PRORP: variants seen among roughly 807,000 people sequenced by gnomAD.
The protein encoded by PRORP is protein only RNase P catalytic subunit.
Under a neutral mutation model 59.4 loss-of-function variants are expected in PRORP, and 51 were observed. The observed-to-expected ratio is 0.86, with a 90% confidence interval of 0.69 to 1.08. PRORP has a LOEUF of 1.08. Among genes scored for constraint, PRORP ranks in the 50% least tolerant of loss-of-function variants. The pLI is 0.00. For missense variants in PRORP, 646 were observed against 690.3 expected, an observed-to-expected ratio of 0.94 and a Z score of 0.72; for synonymous variants, 231 against 245.6, an observed-to-expected ratio of 0.94 and a Z score of 0.55.
At chr14:35,176,774 C>G (rs1223375300) in intron 4 of PRORP, among the ~76,000 whole-genome samples, 1 of 152,164 alleles carries the variant, frequency 6.6e-6, no homozygotes, top group Non-Finnish European at 1.5e-5. Context: ...ACTTCCAACA[C>G]TATGTTGAAT....
At chr14:35,231,357 G>A (rs2050076032) in intron 5 of PRORP, among the ~76,000 whole-genome samples, 1 of 152,016 alleles carries the variant, frequency 6.6e-6, no homozygotes, top group East Asian at 1.9e-4. Flanking sequence ...TATTTTTCAC[G>A]CTTCTCAACT....
chr14:35,185,428 A>G (rs1423819277), intron 5 of PRORP, among the ~76,000 whole-genome samples: 1 of 152,146 alleles, frequency 6.6e-6, no homozygotes, highest in South Asian at 2.1e-4. Flanking sequence ...ATATTTGCCA[A>G]AGGTTTCCTG....
chr14:35,234,676 C>CTT (rs398056986), intron 5 of PRORP, among the ~76,000 whole-genome samples: 6,301 of 130,044 alleles, frequency 0.048, 276 homozygotes, highest in Admixed American at 0.13. Flanking sequence ...ACTGTTGTTC[C>CTT]TTTTTTTTTT....
intron 4 of PRORP, among the ~76,000 whole-genome samples, chr14:35,149,044 G>C (rs890593617): frequency 7.1e-6 from 1 of 141,156 alleles, no homozygotes; most frequent in African/African-American, 2.6e-5. Flanking sequence ...TCAGCCTCCC[G>C]AGTAGCTGGG....
intron 5 of PRORP, among the ~76,000 whole-genome samples, chr14:35,251,939 C>T (rs1394784343): frequency 1.3e-5 from 2 of 151,858 alleles, no homozygotes; most frequent in Non-Finnish European, 2.9e-5. Flanking sequence ...CAGGTGCAGG[C>T]GGGAGGGTAC....
rs1192103644 is a variant in PRORP, at chr14:35,123,557, C to T, written c.312C>T (p.Ala104=). ...SQMNSQTEDH[A]LAPVRNTIQL... is the part of the protein sequence containing the mutation. ...TGAATTCTCAAACTGAAGATCATGCCTTGGCACCTGTGAGGAACACTATTC... is the reference window on the plus strand; with the variant it reads ...TGAATTCTCAAACTGAAGATCATGCTTTGGCACCTGTGAGGAACACTATTC... Residue 104 remains alanine (A), a synonymous_variant, in exon 2 of 8, where the codon GCC becomes GCT. Coordinates refer to ENST00000534898, the MANE Select transcript of PRORP (RefSeq NM_014672.4). The T allele has an allele frequency of 6.2e-7, 1 of 1,614,120 alleles. No homozygotes were observed. Among genetic ancestry groups the T allele is most frequent in the South Asian group, 1.1e-5 (1 of 91,084 alleles).
chr14:35,136,906 A>G (rs1288938502), intron 4 of PRORP, among the ~76,000 whole-genome samples: 1 of 145,960 alleles, frequency 6.9e-6, no homozygotes, highest in Non-Finnish European at 1.5e-5. Flanking sequence ...GAAGTTTCAT[A>G]TATTAGATAG....
In PRORP at chr14:35,123,840, GAA is replaced by G; in HGVS notation, c.597_598del (p.Glu199AspfsTer7). 1 of 1,614,042 alleles carries G rather than the reference GAA, an allele frequency of 6.2e-7. No individual in the cohort carries two copies. Among genetic ancestry groups the G allele is most frequent in the Non-Finnish European group, 8.5e-7 (1 of 1,180,000 alleles). The stretch of plus-strand genomic sequence containing the variant: ...GACATCTGAAGTTATTGATGTCTTT[GAA>G]ATTATGAAAGCCAGATATAAGACTT... The part of the protein sequence containing the change: ...MQTSEVIDVF[E>X]IMKARYKTLE... On this transcript the variant is annotated frameshift_variant, in exon 2 of 8. Coordinates refer to ENST00000534898, the MANE Select transcript of PRORP (RefSeq NM_014672.4). LOFTEE classifies it high-confidence loss of function.
At chr14:35,244,707 A>G (rs2050443434) in intron 5 of PRORP, among the ~76,000 whole-genome samples, 1 of 152,130 alleles carries the variant, frequency 6.6e-6, no homozygotes, top group Admixed American at 6.6e-5. Flanking sequence ...GTAATAATAA[A>G]ACTAACACCT....
At chr14:35,219,986 G>C (rs986834880) in intron 5 of PRORP, among the ~76,000 whole-genome samples, 2 of 152,160 alleles carry the variant, frequency 1.3e-5, no homozygotes, top group Non-Finnish European at 2.9e-5. Flanking sequence ...TGCTTTCTCT[G>C]TGTGTTGTCT....
At chr14:35,247,560 T>G (rs2050515328) in intron 5 of PRORP, among the ~76,000 whole-genome samples, 1 of 152,160 alleles carries the variant, frequency 6.6e-6, no homozygotes, top group South Asian at 2.1e-4. Context: ...CTCTTTCTCT[T>G]CTAGTCATGA....
At chr14:35,194,854 T>C (rs2048970658) in intron 5 of PRORP, among the ~76,000 whole-genome samples, 1 of 152,186 alleles carries the variant, frequency 6.6e-6, no homozygotes, top group African/African-American at 2.4e-5. Context: ...GTATATCCTA[T>C]TTCAAAAGAT....
chr14:35,256,466 C>G (rs933483885), intron 5 of PRORP, among the ~76,000 whole-genome samples: 14 of 148,524 alleles, frequency 9.4e-5, no homozygotes, highest in East Asian at 2.1e-4. Flanking sequence ...TGAGCATCTG[C>G]GATTACAGGC....
intron 5 of PRORP, among the ~76,000 whole-genome samples, chr14:35,204,952 AAC>A: frequency 6.6e-6 from 1 of 152,288 alleles, no homozygotes; most frequent in Middle Eastern, 3.4e-3. Context: ...TAATCCTCTC[AAC>A]AGTCTAATAA....
At chr14:35,198,304 A>G (rs1164082415) in intron 5 of PRORP, among the ~76,000 whole-genome samples, 2 of 152,244 alleles carry the variant, frequency 1.3e-5, no homozygotes, top group African/African-American at 4.8e-5. Context: ...GGGCAGGGCC[A>G]TGTGGGCACT....
At chr14:35,158,701 C>T in intron 4 of PRORP, 1 of 388,432 alleles carries the variant, frequency 2.6e-6, no homozygotes, top group Non-Finnish European at 5.1e-6. Flanking sequence ...TGACGAGCTG[C>T]CAGCAATTAC....
In PRORP at chr14:35,142,035, C is replaced by G. The variant is rs545049386; in HGVS notation, c.1167+14424C>G. 2.1e-5 allele frequency among the ~76,000 whole-genome samples: 3 copies of G among 145,230 alleles called. 1 individual carries two copies. The highest frequency in any genetic ancestry group is 4.6e-5 in the Non-Finnish European group (3 of 65,352). On this transcript the variant is annotated intron_variant, in intron 4 of 7. Coordinates refer to ENST00000534898, the MANE Select transcript of PRORP (RefSeq NM_014672.4). The stretch of plus-strand genomic sequence containing the variant: ...CTGGGATTACAGGTGCCTGCAACCA[C>G]GCCCAGCTAATTTTTGTATTTTTAG...
chr14:35,208,251 G>C (rs2049346054), intron 5 of PRORP, among the ~76,000 whole-genome samples: 2 of 151,954 alleles, frequency 1.3e-5, no homozygotes, highest in Admixed American at 6.6e-5. Flanking sequence ...GAGTTGACCA[G>C]TGACATTCTA....
At position 35,185,311 on chromosome 14, in the gene PRORP, A is replaced by G. The variant is rs151194094; in HGVS notation, c.1275+4534A>G. On this transcript the variant is annotated intron_variant, in intron 5 of 7. Coordinates refer to ENST00000534898, the MANE Select transcript of PRORP (RefSeq NM_014672.4). Reference sequence around the variant, plus strand: ...TTTTTTTCATATGCTTGTTGGCCACATGTTTGTCTTCTTTTGTGAAGTTTT... The same window carrying G: ...TTTTTTTCATATGCTTGTTGGCCACGTGTTTGTCTTCTTTTGTGAAGTTTT... Among the ~76,000 whole-genome samples, 98 of 152,046 alleles carry G rather than the reference A, an allele frequency of 6.4e-4. 1 individual carries two copies. The highest frequency in any genetic ancestry group is 2.2e-3 in the African/African-American group (92 of 41,460).
Sources: allele counts gnomAD v4.1 joint callset (sites outside exome capture counted in the v4.1 genomes callset), GRCh38; gene constraint gnomAD v4.1.1; transcripts MANE v1.5; gene names NCBI Gene and HGNC (gene_info 2026-07-23, HGNC 2026-07-21).